Variants in TUBGCP4 observed in about 807,000 individuals in gnomAD.
TUBGCP4 encodes tubulin gamma complex component 4.
In TUBGCP4, 54 loss-of-function variants were observed where a neutral mutation model predicts 91.6. That is an observed-to-expected ratio of 0.59 (90% CI 0.47 to 0.74). The LOEUF (loss-of-function observed/expected upper bound fraction) is 0.74, where lower values mean the gene tolerates loss of function less well. Ranked by LOEUF, TUBGCP4 falls within the 30% of genes least tolerant of loss-of-function variation. TUBGCP4 has a pLI of 0.00. For synonymous variants in TUBGCP4, 297 were observed against 302.8 expected (o/e 0.98, Z 0.20); for missense variants, 593 against 800.9 (o/e 0.74, Z 3.13).
intron 6 of TUBGCP4, among the ~76,000 whole-genome samples, chr15:43,381,232 A>G (rs1372941451): frequency 1.3e-5 from 2 of 152,230 alleles, no homozygotes; most frequent in Non-Finnish European, 2.9e-5. Flanking sequence ...ATGATACTAT[A>G]TATACATGTT....
intron 4 of TUBGCP4, 142 bp downstream of exon 4, chr15:43,377,209 C>A: frequency 1.4e-6 from 1 of 717,200 alleles, no homozygotes; most frequent in Non-Finnish European, 2.4e-6. Flanking sequence ...GTATGTTTTA[C>A]TAGATCAAAA....
intron 13 of TUBGCP4, chr15:43,399,296 C>A: frequency 3.0e-6 from 1 of 336,306 alleles, no homozygotes; most frequent in African/African-American, 2.1e-5. Context: ...GAGTCTGTCT[C>A]AGAGGGAAGC....
chr15:43,408,941 C>G lies in TUBGCP4; in HGVS notation c.*3727C>G, dbSNP rs151152248. On this transcript the variant is annotated 3_prime_UTR_variant, in exon 18 of 18. Transcript: ENST00000564079. ...CCTCAAGGCTGTACCCAGCTGGCAA[C>G]AGATAATTACGGTAGTTCTGGAGCT... is the stretch of plus-strand genomic sequence containing the variant. The G allele has an allele frequency of 1.9e-6, 3 of 1,614,218 alleles. No individual in the cohort carries two copies. The highest frequency in any genetic ancestry group is 2.5e-6 in the Non-Finnish European group (3 of 1,180,044).
chr15:43,387,710 C>T (rs1461020269), intron 9 of TUBGCP4, among the ~76,000 whole-genome samples: 1 of 152,002 alleles, frequency 6.6e-6, no homozygotes, highest in Non-Finnish European at 1.5e-5. Flanking sequence ...GATCCTCCCA[C>T]CTCAGCCTCC....
chr15:43,389,064 GT>G (rs1226677313), intron 9 of TUBGCP4, among the ~76,000 whole-genome samples: 4 of 152,152 alleles, frequency 2.6e-5, no homozygotes, highest in Non-Finnish European at 4.4e-5. Context: ...GCAACACTCA[GT>G]TCGTTCCATT....
At chr15:43,386,054 T>C in intron 8 of TUBGCP4, 98 bp downstream of exon 8, 1 of 1,532,046 alleles carries the variant, frequency 6.5e-7, no homozygotes, top group South Asian at 1.3e-5. Context: ...GAGTGGTCGA[T>C]AATATTCCTA....
intron 1 of TUBGCP4, among the ~76,000 whole-genome samples, chr15:43,372,217 A>G (rs947488942): frequency 1.3e-5 from 2 of 152,214 alleles, no homozygotes; most frequent in Non-Finnish European, 2.9e-5. Context: ...ACTGAAGCTC[A>G]GAAAACTTTA....
intron 6 of TUBGCP4, among the ~76,000 whole-genome samples, chr15:43,382,238 AAAAAT>A (rs1477689432): frequency 2.3e-5 from 2 of 88,604 alleles, no homozygotes; most frequent in South Asian, 3.6e-4. Flanking sequence ...AGAAAAAAAG[AAAAAT>A]AAAAGAAAAA....
At chr15:43,372,700 G>A (rs975420694) in intron 1 of TUBGCP4, among the ~76,000 whole-genome samples, 1 of 152,248 alleles carries the variant, frequency 6.6e-6, no homozygotes, top group Non-Finnish European at 1.5e-5. Flanking sequence ...TCTCAATCAT[G>A]TATTTTCTAC....
chr15:43,398,993 T>G, intron 13 of TUBGCP4: 1 of 349,288 alleles, frequency 2.9e-6, no homozygotes, highest in Non-Finnish European at 5.1e-6. Flanking sequence ...TTATAATCCC[T>G]TATAATATCC....
In TUBGCP4 at chr15:43,393,581, T is replaced by G. The variant is rs139784177; in HGVS notation, c.1015-1526T>G. ...ATTTAGCATTAGGTATATCTCCTAA[T>G]GCTATCCCTCCCCGGTCCCCCCACC... On this transcript the variant is annotated intron_variant, in intron 9 of 17. Coordinates refer to ENST00000564079, the MANE Select transcript of TUBGCP4 (RefSeq NM_014444.5). Among the ~76,000 whole-genome samples the G allele has an allele frequency of 2.6e-5, 4 of 152,284 alleles. 1 individual carries two copies. The East Asian group carries it at 7.7e-4, about 29-fold the overall frequency.
rs75465233 is a variant in TUBGCP4 at position 43,409,759 on chromosome 15, A to C, written c.*4545A>C. 20 of 1,167,736 alleles carry C rather than the reference A, an allele frequency of 1.7e-5. No homozygotes were observed. Among genetic ancestry groups the C allele is most frequent in the East Asian group, 2.6e-5 (1 of 38,686 alleles). 72.3% of individuals were successfully genotyped at this position (1,167,736 alleles called of 1,614,324 possible). A position where few individuals can be genotyped will look rare whatever the true frequency, so the allele number is the denominator to read the frequency against. ...CAAAAATTCTATATTAAAAAAAAAA[A>C]CCAAGATAATAATTACTGAGTGGTT... On this transcript the variant is annotated 3_prime_UTR_variant, in exon 18 of 18. Coordinates refer to ENST00000564079, the MANE Select transcript of TUBGCP4 (RefSeq NM_014444.5).
At chr15:43,374,124 A>G (rs1896003897) in intron 1 of TUBGCP4, among the ~76,000 whole-genome samples, 1 of 152,246 alleles carries the variant, frequency 6.6e-6, no homozygotes, top group African/African-American at 2.4e-5. Context: ...TTACTGTCAT[A>G]TAAAATGGCA....
chr15:43,407,939 G>T lies in TUBGCP4; in HGVS notation c.*2725G>T, dbSNP rs372983329. The T allele has an allele frequency of 2.5e-6, 4 of 1,610,524 alleles. No homozygotes were observed. Among genetic ancestry groups the T allele is most frequent in the Non-Finnish European group, 3.4e-6 (4 of 1,179,562 alleles). On this transcript the variant is annotated 3_prime_UTR_variant, in exon 18 of 18. Coordinates refer to ENST00000564079, the MANE Select transcript of TUBGCP4 (RefSeq NM_014444.5). Reference sequence around the variant, plus strand: ...AAAGACACTACACACACTCTTTCAGGTACCTTTGTTATGGGCACTTGAATG... The same window carrying T: ...AAAGACACTACACACACTCTTTCAGTTACCTTTGTTATGGGCACTTGAATG...
chr15:43,399,313 ACTTT>A (rs1241164568), intron 13 of TUBGCP4: 3 of 288,798 alleles, frequency 1.0e-5, no homozygotes, highest in Non-Finnish European at 1.9e-5. Flanking sequence ...AAGCTATTTT[ACTTT>A]CTTTCGGCTC....
In TUBGCP4 at chr15:43,407,958, T is replaced by C; in HGVS notation, c.*2744T>C. On this transcript the variant is annotated 3_prime_UTR_variant, in exon 18 of 18. Coordinates refer to ENST00000564079, the MANE Select transcript of TUBGCP4 (RefSeq NM_014444.5). Reference sequence around the variant, plus strand: ...TTTCAGGTACCTTTGTTATGGGCACTTGAATGGTGCTGCTTCACAGAGGCT... The same window carrying C: ...TTTCAGGTACCTTTGTTATGGGCACCTGAATGGTGCTGCTTCACAGAGGCT... 1 of 1,613,186 alleles carries C rather than the reference T, an allele frequency of 6.2e-7. No individual in the cohort carries two copies. Among genetic ancestry groups the C allele is most frequent in the East Asian group, 2.2e-5 (1 of 44,870 alleles).
intron 1 of TUBGCP4, among the ~76,000 whole-genome samples, chr15:43,375,702 T>C (rs2412781): frequency 0.47 from 70,947 of 152,062 alleles, 21,551 homozygotes; most frequent in African/African-American, 0.87. Flanking sequence ...GAGAAACCCA[T>C]GGAGTCTGCA....
Position 43,385,782 on chromosome 15 carries a change from C to G in TUBGCP4, c.724-9C>G, listed in dbSNP as rs1388961167. 6.2e-7 allele frequency: 1 copy of G among 1,612,314 alleles called. No individual in the cohort carries two copies. The highest frequency in any genetic ancestry group is 1.7e-5 in the Admixed American group (1 of 59,766). On this transcript the variant is annotated splice_polypyrimidine_tract_variant and intron_variant, in intron 7 of 17. Transcript: ENST00000564079. ...ACTGCATCTCGATGTGTACTCTTTC[C>G]TTGACTAGCGCCTGATTGAGGAAGA... is the stretch of plus-strand genomic sequence containing the variant.
intron 7 of TUBGCP4, among the ~76,000 whole-genome samples, chr15:43,384,901 G>T (rs1244939864): frequency 2.0e-5 from 3 of 152,252 alleles, no homozygotes; most frequent in East Asian, 3.9e-4. Flanking sequence ...CTAAACCAAA[G>T]ATACTAACAT....
Sources: allele counts gnomAD v4.1 joint callset (sites outside exome capture counted in the v4.1 genomes callset), GRCh38; gene constraint gnomAD v4.1.1; transcripts MANE v1.5; gene names NCBI Gene and HGNC (gene_info 2026-07-23, HGNC 2026-07-21).